The following CWC27 variants were observed in gnomAD, a reference collection of about 807,000 sequenced individuals.
CWC27 encodes CWC27 spliceosome associated cyclophilin.
Under a neutral mutation model 63.6 loss-of-function variants are expected in CWC27, and 47 were observed. That is an observed-to-expected ratio of 0.74 (90% CI 0.58 to 0.94). The LOEUF is 0.94. Ranked by LOEUF, CWC27 falls within the 40% of genes least tolerant of loss-of-function variation. The pLI, the probability that CWC27 is intolerant of heterozygous loss-of-function variation, is 0.00. For synonymous variants in CWC27, 175 were observed against 179.8 expected (o/e 0.97, Z 0.22); for missense variants, 495 against 554.3 (o/e 0.89, Z 1.07).
At chr5:64,777,556 T>C (rs1446274843) in intron 2 of CWC27, among the ~76,000 whole-genome samples, 1 of 152,114 alleles carries the variant, frequency 6.6e-6, no homozygotes, top group African/African-American at 2.4e-5. Flanking sequence ...CCATAGATTA[T>C]TGTAGCCAGA....
At chr5:64,863,857 A>C (rs974739518) in intron 10 of CWC27, among the ~76,000 whole-genome samples, 2 of 152,162 alleles carry the variant, frequency 1.3e-5, no homozygotes, top group Admixed American at 1.3e-4. Context: ...TATCACATGA[A>C]TATATAGTTT....
At chr5:64,944,453 C>T (rs531217589) in intron 11 of CWC27, among the ~76,000 whole-genome samples, 2 of 152,266 alleles carry the variant, frequency 1.3e-5, no homozygotes, top group South Asian at 4.1e-4. Context: ...TTTTTTCTCT[C>T]TTATACTAAA....
At chr5:64,867,913 A>G (rs1398091671) in intron 10 of CWC27, among the ~76,000 whole-genome samples, 1 of 144,816 alleles carries the variant, frequency 6.9e-6, no homozygotes, top group Non-Finnish European at 1.5e-5. Flanking sequence ...TCCAGAACCC[A>G]TTTGTTGTCA....
At chr5:64,971,511 T>C (rs983970661) in intron 11 of CWC27, among the ~76,000 whole-genome samples, 192 bp from the exon 12 acceptor site, 2 of 152,210 alleles carry the variant, frequency 1.3e-5, no homozygotes, top group African/African-American at 4.8e-5. Flanking sequence ...ACTCATAAAT[T>C]AGCATCAGTC....
At chr5:64,999,881 G>A (rs2112465015) in intron 13 of CWC27, among the ~76,000 whole-genome samples, 1 of 152,112 alleles carries the variant, frequency 6.6e-6, no homozygotes, top group South Asian at 2.1e-4. Context: ...TCATATGGTA[G>A]CTCTATTTTT....
At chr5:64,803,592 G>T (rs1744557917) in intron 9 of CWC27, among the ~76,000 whole-genome samples, 1 of 152,188 alleles carries the variant, frequency 6.6e-6, no homozygotes, top group South Asian at 2.1e-4. Context: ...TTTGAGCAAA[G>T]ATCTGAAGGA....
Position 64,949,560 on chromosome 5 carries a change from A to C in CWC27, c.1043-22143A>C, listed in dbSNP as rs543730801. ...ACGATCATGTGTCAATCCCCTTCATAAAGTTCTTTAATGGCATCTCATTTC... is the reference window on the plus strand; with the variant it reads ...ACGATCATGTGTCAATCCCCTTCATCAAGTTCTTTAATGGCATCTCATTTC... On this transcript the variant is annotated intron_variant, in intron 11 of 13. Transcript: ENST00000381070. 2.0e-5 allele frequency among the ~76,000 whole-genome samples: 3 copies of C among 152,098 alleles called. No individual in the cohort carries two copies. The South Asian group carries it at 6.2e-4, about 32-fold the overall frequency.
At chr5:64,845,613 T>C (rs1313640526) in intron 10 of CWC27, among the ~76,000 whole-genome samples, 1 of 152,098 alleles carries the variant, frequency 6.6e-6, no homozygotes, top group Non-Finnish European at 1.5e-5. Flanking sequence ...GAAAGCATCA[T>C]TGGTGGATTT....
intron 13 of CWC27, among the ~76,000 whole-genome samples, chr5:64,993,598 G>T (rs1749579397): frequency 6.6e-6 from 1 of 151,664 alleles, no homozygotes; most frequent in Non-Finnish European, 1.5e-5. Flanking sequence ...GAGTGGACAA[G>T]ATTACCTTTT....
At chr5:64,847,116 C>T (rs1234199342) in intron 10 of CWC27, among the ~76,000 whole-genome samples, 1 of 150,104 alleles carries the variant, frequency 6.7e-6, no homozygotes, top group East Asian at 2.0e-4. Context: ...GATTAAAAAA[C>T]AAGACTTAGC....
intron 10 of CWC27, chr5:64,807,584 C>A: frequency 6.6e-7 from 1 of 1,521,802 alleles, no homozygotes; most frequent in Non-Finnish European, 8.8e-7. Context: ...TGTACCAATC[C>A]CACTTTCTTT....
intron 11 of CWC27, among the ~76,000 whole-genome samples, chr5:64,921,378 C>T (rs973520839): frequency 6.6e-6 from 1 of 151,906 alleles, no homozygotes; most frequent in Non-Finnish European, 1.5e-5. Flanking sequence ...AGTGTAGCTC[C>T]CATGTGCAGA....
At chr5:64,821,861 G>A (rs959803973) in intron 10 of CWC27, among the ~76,000 whole-genome samples, 106 of 152,316 alleles carry the variant, frequency 7.0e-4, no homozygotes, top group African/African-American at 2.5e-3. Context: ...GAGGGTTAAG[G>A]AATGGGATAT....
chr5:64,945,144 G>A (rs187145687), intron 11 of CWC27, among the ~76,000 whole-genome samples: 66 of 152,154 alleles, frequency 4.3e-4, no homozygotes, highest in African/African-American at 1.5e-3. Flanking sequence ...TACCTCTCAG[G>A]TATTTTCCCA....
At chr5:64,960,033 A>G (rs948994010) in intron 11 of CWC27, among the ~76,000 whole-genome samples, 3 of 152,210 alleles carry the variant, frequency 2.0e-5, no homozygotes, top group African/African-American at 4.8e-5. Context: ...CTTCCTAGGT[A>G]GAACTTAACT....
intron 10 of CWC27, among the ~76,000 whole-genome samples, chr5:64,821,777 C>T (rs1745202919): frequency 6.6e-6 from 1 of 152,256 alleles, no homozygotes; most frequent in South Asian, 2.1e-4. Context: ...GGATTACTCT[C>T]CCAGAACTTG....
At chr5:64,822,835 A>C (rs963082002) in intron 10 of CWC27, among the ~76,000 whole-genome samples, 4 of 151,774 alleles carry the variant, frequency 2.6e-5, no homozygotes, top group Admixed American at 6.6e-5. Context: ...TAAGATTACT[A>C]TTTTAGATTA....
At chr5:64,923,618 G>T (rs997201043) in intron 11 of CWC27, among the ~76,000 whole-genome samples, 2 of 138,156 alleles carry the variant, frequency 1.4e-5, no homozygotes, top group African/African-American at 2.7e-5. Flanking sequence ...GTATCTAGTC[G>T]GCCGTCTTTG....
At chr5:64,868,462 G>A (rs1475251829) in intron 10 of CWC27, among the ~76,000 whole-genome samples, 1 of 151,940 alleles carries the variant, frequency 6.6e-6, no homozygotes, top group Non-Finnish European at 1.5e-5. Context: ...TATTAATAAA[G>A]TCTCAGACTT....
Sources: gnomAD v4.1 joint callset for allele counts (sites outside exome capture counted in the v4.1 genomes callset) on GRCh38, gnomAD v4.1.1 for gene constraint, MANE v1.5 for transcripts, NCBI Gene and HGNC (gene_info 2026-07-23, HGNC 2026-07-21) for gene names.